Variants in DNAH11 observed in about 807,000 individuals in gnomAD.
The protein encoded by DNAH11 is dynein axonemal heavy chain 11, also known as axonemal beta dynein heavy chain 11.
Under a neutral mutation model 526.0 loss-of-function variants are expected in DNAH11, and 442 were observed. The ratio of observed to expected loss-of-function variants is 0.84; its 90% CI spans 0.78 to 0.91. The LOEUF (loss-of-function observed/expected upper bound fraction) is 0.91. DNAH11 is among the 40% of genes least tolerant of loss of function. The probability of loss-of-function intolerance (pLI) is 0.00; values close to 1 mark genes in which losing one functional copy is unlikely to be tolerated. For synonymous variants in DNAH11, 2,461 were observed against 1,935.9 expected, an observed-to-expected ratio of 1.27 and a Z score of -7.12; for missense variants, 6,989 against 5,448.7, an observed-to-expected ratio of 1.28 and a Z score of -8.90.
In DNAH11 at chr7:21,650,067, T is replaced by C. The variant is rs1787557519; in HGVS notation, c.4945-5765T>C. On this transcript the variant is annotated intron_variant, in intron 28 of 81. Coordinates refer to ENST00000409508, the MANE Select transcript of DNAH11 (RefSeq NM_001277115.2). Reference sequence around the variant, plus strand: ...TGATTTTTTCCCATTTTTCTGCATATATGTATTGCAATTTCCAAAAGTTTA... The same window carrying C: ...TGATTTTTTCCCATTTTTCTGCATACATGTATTGCAATTTCCAAAAGTTTA... 2.0e-5 allele frequency among the ~76,000 whole-genome samples: 3 copies of C among 152,166 alleles called. No individual in the cohort carries two copies. In the South Asian group the frequency reaches 6.2e-4, roughly 31 times the overall value.
At chr7:21,838,550 C>T (rs1409162050) in intron 65 of DNAH11, among the ~76,000 whole-genome samples, 1 of 152,058 alleles carries the variant, frequency 6.6e-6, no homozygotes, top group Non-Finnish European at 1.5e-5. Flanking sequence ...TAAGTGGAGT[C>T]ATATAATATG....
chr7:21,658,989 A>G lies in DNAH11; in HGVS notation c.5286A>G (p.Glu1762=), dbSNP rs781612152. The G allele has an allele frequency of 3.1e-6, 5 of 1,608,846 alleles. No homozygotes were observed. The Admixed American group carries it at 5.1e-5, about 16-fold the overall frequency. ...TAGGAATAGCCTTCAGTAGACTGGA[A>G]GAAGGCTACGAAACAGCCCTGAAGG... ...TDVGIAFSRL[E]EGYETALKDF... is the part of the protein sequence containing the mutation. Residue 1762 remains glutamate (E), a synonymous_variant, in exon 30 of 82, where the codon GAA becomes GAG. Transcript: ENST00000409508.
chr7:21,738,561 G>C (rs1785721248), intron 46 of DNAH11, 140 bp from the exon 47 acceptor site: 1 of 764,836 alleles, frequency 1.3e-6, no homozygotes, highest in South Asian at 2.1e-5. Flanking sequence ...CACATCCCGG[G>C]TCTCTTAACC....
At chr7:21,803,913 C>T (rs1458871414) in intron 62 of DNAH11, among the ~76,000 whole-genome samples, 1 of 151,606 alleles carries the variant, frequency 6.6e-6, no homozygotes, top group Non-Finnish European at 1.5e-5. Flanking sequence ...TCATTGAAGT[C>T]TGGAAAAGTG....
chr7:21,606,322 C>T, intron 18 of DNAH11, 104 bp from the exon 19 acceptor site: 1 of 987,916 alleles, frequency 1.0e-6, no homozygotes, highest in Non-Finnish European at 1.5e-6. Flanking sequence ...GACCTTGTCT[C>T]AAGAGAAAAA....
chr7:21,807,743 C>A, intron 62 of DNAH11, 140 bp from the exon 63 acceptor site: 1 of 656,372 alleles, frequency 1.5e-6, no homozygotes, highest in Non-Finnish European at 2.3e-6. Context: ...TTATAACAGT[C>A]ACACCAACCC....
At chr7:21,753,675 T>C (rs1786507537) in intron 54 of DNAH11, among the ~76,000 whole-genome samples, 1 of 152,120 alleles carries the variant, frequency 6.6e-6, no homozygotes. Flanking sequence ...TGTTCTCTTT[T>C]CTTGTTAACT....
At chr7:21,740,679 G>A (rs528718402) in intron 48 of DNAH11, among the ~76,000 whole-genome samples, 10 of 152,160 alleles carry the variant, frequency 6.6e-5, no homozygotes, top group Admixed American at 2.6e-4. Flanking sequence ...ATGCTGCTGC[G>A]AACATGGATG....
chr7:21,657,516 T>C (rs1244188772), intron 29 of DNAH11, among the ~76,000 whole-genome samples: 1 of 152,184 alleles, frequency 6.6e-6, no homozygotes, highest in Non-Finnish European at 1.5e-5. Flanking sequence ...TATTGACATG[T>C]ATGTGTGTTT....
At chr7:21,596,078 A>C (rs1404097318) in intron 14 of DNAH11, among the ~76,000 whole-genome samples, 1 of 152,262 alleles carries the variant, frequency 6.6e-6, no homozygotes, top group Non-Finnish European at 1.5e-5. Context: ...CATGGGTTTC[A>C]GTGTTTCTGT....
intron 45 of DNAH11, among the ~76,000 whole-genome samples, chr7:21,734,894 G>A (rs774276102): frequency 6.6e-6 from 1 of 151,176 alleles, no homozygotes; most frequent in Non-Finnish European, 1.5e-5. Context: ...ACAATCAACC[G>A]GGTGCAGTGG....
intron 32 of DNAH11, among the ~76,000 whole-genome samples, 171 bp from the exon 33 acceptor site, chr7:21,686,928 A>G (rs1203203507): frequency 6.6e-5 from 10 of 152,254 alleles, no homozygotes; most frequent in African/African-American, 1.9e-4. Flanking sequence ...AATAAATGTG[A>G]TAGAAAATAT....
chr7:21,654,139 A>G (rs1399290828), intron 28 of DNAH11, among the ~76,000 whole-genome samples: 1 of 152,178 alleles, frequency 6.6e-6, no homozygotes, highest in African/African-American at 2.4e-5. Flanking sequence ...GTGCAATTCA[A>G]TAGCATTTTG....
chr7:21,856,307 T>C (rs1162460232), intron 68 of DNAH11, among the ~76,000 whole-genome samples: 1 of 152,196 alleles, frequency 6.6e-6, no homozygotes, highest in African/African-American at 2.4e-5. Context: ...GCTGGAATCA[T>C]TGGCTCCTGG....
At chr7:21,835,721 C>A (rs545739052) in intron 65 of DNAH11, among the ~76,000 whole-genome samples, 1 of 152,114 alleles carries the variant, frequency 6.6e-6, no homozygotes, top group East Asian at 1.9e-4. Context: ...TTCTCACTTC[C>A]ACCACTTCTA....
intron 73 of DNAH11, among the ~76,000 whole-genome samples, chr7:21,870,248 C>T (rs1783444251): frequency 6.6e-6 from 1 of 152,172 alleles, no homozygotes; most frequent in Admixed American, 6.5e-5. Context: ...CAAGATACAG[C>T]GTTGGCCTCC....
chr7:21,665,069 CT>C (rs1405411757), intron 30 of DNAH11, among the ~76,000 whole-genome samples: 1 of 151,858 alleles, frequency 6.6e-6, no homozygotes, highest in African/African-American at 2.4e-5. Context: ...GATCAGTCTC[CT>C]CTCTTTCTTT....
chr7:21,649,192 G>A (rs1787509937), intron 28 of DNAH11, among the ~76,000 whole-genome samples: 1 of 152,190 alleles, frequency 6.6e-6, no homozygotes, highest in Non-Finnish European at 1.5e-5. Flanking sequence ...CTAGCCACCA[G>A]TATTATAAGT....
chr7:21,725,107 G>A (rs973925164), intron 44 of DNAH11, among the ~76,000 whole-genome samples: 3 of 152,194 alleles, frequency 2.0e-5, no homozygotes, highest in African/African-American at 7.2e-5. Flanking sequence ...ATTAAAGCAA[G>A]CACCTCCCAG....
Sources: allele counts gnomAD v4.1 joint callset (sites outside exome capture counted in the v4.1 genomes callset), GRCh38; gene constraint gnomAD v4.1.1; transcripts MANE v1.5; gene names NCBI Gene and HGNC (gene_info 2026-07-23, HGNC 2026-07-21).